Variants in GRIN2B observed in about 807,000 individuals in gnomAD.
GRIN2B encodes the protein glutamate receptor ionotropic, NMDA 2B.
A neutral mutation model predicts 114.5 loss-of-function variants in GRIN2B; 5 were observed. The ratio of observed to expected loss-of-function variants is 0.04; its 90% CI spans 0.02 to 0.09. GRIN2B has a LOEUF of 0.09. Among genes scored for constraint, GRIN2B ranks in the 10% least tolerant of loss-of-function variants. The pLI is 1.00. For missense variants in GRIN2B, 1,108 were observed against 1,943.5 expected (o/e 0.57, Z 8.08); for synonymous variants, 787 against 745.1 (o/e 1.06, Z -0.92).
Position 13,753,877 on chromosome 12 carries a change from A to C in GRIN2B, c.450T>G (p.Ile150Met). Residue 150 changes from isoleucine (I) to methionine (M), a missense_variant, in exon 4 of 14, where the codon ATT becomes ATG. Physicochemically the swap from Ile to Met is conservative, Grantham distance 10. Around this residue, in one of 19 missense-constraint regions of GRIN2B, gnomAD observed 199 missense variants for 439.6 expected, o/e 0.45. Transcript: ENST00000609686. This position sits in a 1 kb window ranked among gnomAD's most constrained non-coding sequence, Gnocchi z 6.2. Reference protein sequence around the residue: ...SSMFFQFGPSIEQQASVMLNI... With the variant: ...SSMFFQFGPSMEQQASVMLNI... ...TGAGCATTACGGAAGCTTGCTGTTC[A>C]ATTGATGGGCCAAACTGGAAGAACA... 1 of 1,613,488 alleles carries C rather than the reference A, an allele frequency of 6.2e-7. No homozygotes were observed. Among genetic ancestry groups the C allele is most frequent in the Non-Finnish European group, 8.5e-7 (1 of 1,179,472 alleles).
intron 3 of GRIN2B, among the ~76,000 whole-genome samples, chr12:13,790,971 A>G (rs527918307): frequency 6.6e-6 from 1 of 152,320 alleles, no homozygotes; most frequent in African/African-American, 2.4e-5. Context: ...CTGCAGACAC[A>G]GAACTAGGGT....
intron 4 of GRIN2B, among the ~76,000 whole-genome samples, chr12:13,739,099 G>A (rs1863232375): frequency 6.6e-6 from 1 of 152,100 alleles, no homozygotes; most frequent in Admixed American, 6.5e-5. Flanking sequence ...AGAAAAATGT[G>A]GCTAGGTGTG....
At chr12:13,589,788 G>C (rs1311807790) in intron 10 of GRIN2B, among the ~76,000 whole-genome samples, 1 of 152,128 alleles carries the variant, frequency 6.6e-6, no homozygotes, top group Non-Finnish European at 1.5e-5. Flanking sequence ...ATAGAGGTTG[G>C]AAGACAAGCT....
In GRIN2B at chr12:13,907,041, C is replaced by T. The variant is rs141138464; in HGVS notation, c.-18-40815G>A. Among the ~76,000 whole-genome samples the T allele has an allele frequency of 3.0e-4, 46 of 152,220 alleles. No individual in the cohort carries two copies. The East Asian group carries it at 8.7e-3, about 29-fold the overall frequency. ...TAAATCAAATGATATGGACATGAAG[C>T]TTTGTAAGATTCCTCCCAGCCTCAC... On this transcript the variant is annotated intron_variant, in intron 2 of 13. Coordinates refer to ENST00000609686, the MANE Select transcript of GRIN2B (RefSeq NM_000834.5).
At chr12:13,640,087 G>A (rs1177961125) in intron 5 of GRIN2B, among the ~76,000 whole-genome samples, 2 of 152,000 alleles carry the variant, frequency 1.3e-5, no homozygotes, top group East Asian at 1.9e-4. Context: ...CCTGGTAGAC[G>A]TAAAATGTAG....
chr12:13,857,366 C>T (rs189705599), intron 3 of GRIN2B, among the ~76,000 whole-genome samples: 6 of 145,878 alleles, frequency 4.1e-5, no homozygotes, highest in Non-Finnish European at 9.0e-5. Flanking sequence ...GTGGCGCACG[C>T]GTGCATACAC....
intron 2 of GRIN2B, among the ~76,000 whole-genome samples, chr12:13,873,866 A>G (rs760813248): frequency 5.9e-5 from 9 of 152,232 alleles, no homozygotes; most frequent in Non-Finnish European, 1.0e-4. Context: ...GGATTTCAAC[A>G]TATTACAGCC....
At chr12:13,976,497 C>T (rs1333509504) in intron 2 of GRIN2B, among the ~76,000 whole-genome samples, 1 of 152,092 alleles carries the variant, frequency 6.6e-6, no homozygotes, top group Non-Finnish European at 1.5e-5. Context: ...GTGGTTTTGT[C>T]GGCCCCAGTC....
In GRIN2B at chr12:13,968,829, C is replaced by A. The variant is rs140205810; in HGVS notation, c.-19+11099G>T. On this transcript the variant is annotated intron_variant, in intron 2 of 13. Coordinates refer to ENST00000609686, the MANE Select transcript of GRIN2B (RefSeq NM_000834.5). The stretch of plus-strand genomic sequence containing the variant: ...AGTAAAATCCAAGCACAAAGCCATA[C>A]TTAGGACTGCCATTCTCTTGCACTT... Among the ~76,000 whole-genome samples, 413 of 152,322 alleles carry A rather than the reference C, an allele frequency of 2.7e-3. 1 individual carries two copies. Among genetic ancestry groups the A allele is most frequent in the African/African-American group, 9.2e-3 (381 of 41,576 alleles).
chr12:13,609,296 T>A (rs2136471302), intron 9 of GRIN2B, among the ~76,000 whole-genome samples: 1 of 152,338 alleles, frequency 6.6e-6, no homozygotes, highest in African/African-American at 2.4e-5. Context: ...GTAAGATTGT[T>A]TTCTGCCATT....
intron 2 of GRIN2B, among the ~76,000 whole-genome samples, chr12:13,960,108 C>G (rs1322493695): frequency 3.9e-5 from 6 of 152,080 alleles, no homozygotes; most frequent in African/African-American, 1.4e-4. Context: ...AGCAGCATCC[C>G]AGGCCTCTAC....
chr12:13,794,405 C>G (rs1434890469), intron 3 of GRIN2B, among the ~76,000 whole-genome samples: 1 of 152,126 alleles, frequency 6.6e-6, no homozygotes, highest in Non-Finnish European at 1.5e-5. Flanking sequence ...TTTGCAAAGG[C>G]ACTGCTCTAC....
At chr12:13,887,291 G>A (rs947056785) in intron 2 of GRIN2B, among the ~76,000 whole-genome samples, 1 of 152,182 alleles carries the variant, frequency 6.6e-6, no homozygotes, top group Admixed American at 6.5e-5. Flanking sequence ...ATACAGGCAA[G>A]TACAATCATA....
chr12:13,660,343 G>A (rs1370405141), intron 5 of GRIN2B, among the ~76,000 whole-genome samples: 1 of 152,078 alleles, frequency 6.6e-6, no homozygotes, highest in Non-Finnish European at 1.5e-5. Context: ...TAACCCCTCT[G>A]TTAAAAGGGT....
At chr12:13,780,286 T>TAAAA (rs542023307) in intron 3 of GRIN2B, among the ~76,000 whole-genome samples, 1 of 145,706 alleles carries the variant, frequency 6.9e-6, no homozygotes, top group Non-Finnish European at 1.5e-5. Flanking sequence ...TAGAGCTATT[T>TAAAA]AAAAAAAAAA....
chr12:13,717,481 C>G (rs1950466435), intron 4 of GRIN2B, among the ~76,000 whole-genome samples: 1 of 151,938 alleles, frequency 6.6e-6, no homozygotes, highest in African/African-American at 2.4e-5. Context: ...TACCCGACAA[C>G]ACAGCAGTAT....
chr12:13,908,839 T>C (rs970605749), intron 2 of GRIN2B, among the ~76,000 whole-genome samples: 3 of 152,168 alleles, frequency 2.0e-5, no homozygotes, highest in African/African-American at 7.2e-5. Flanking sequence ...TATTCAGTGA[T>C]TGCATGGTAT....
At chr12:13,701,693 CT>C (rs1211875228) in intron 4 of GRIN2B, among the ~76,000 whole-genome samples, 2 of 152,042 alleles carry the variant, frequency 1.3e-5, no homozygotes, top group African/African-American at 2.4e-5. Context: ...ATGATGAAGA[CT>C]GGATGACTAG....
At chr12:13,855,788 C>A (rs1160146618) in intron 3 of GRIN2B, among the ~76,000 whole-genome samples, 8 of 152,304 alleles carry the variant, frequency 5.3e-5, no homozygotes, top group Non-Finnish European at 1.5e-5. Flanking sequence ...AATAAGGTCA[C>A]ATTTATGGTT....
Sources: allele counts gnomAD v4.1 joint callset (sites outside exome capture counted in the v4.1 genomes callset), GRCh38; gene constraint gnomAD v4.1.1; regional missense constraint gnomAD v4.1.1; non-coding constraint Gnocchi (gnomAD v3.1); transcripts MANE v1.5; gene names NCBI Gene and HGNC (gene_info 2026-07-23, HGNC 2026-07-21).